Variants in DLG2 observed in about 807,000 individuals in gnomAD.
DLG2 encodes the protein discs large MAGUK scaffold protein 2.
Under a neutral mutation model 132.5 loss-of-function variants are expected in DLG2, and 45 were observed. That is an observed-to-expected ratio of 0.34 (90% CI 0.27 to 0.44). The LOEUF is 0.44. Among genes scored for constraint, DLG2 ranks in the 20% least tolerant of loss-of-function variants. The probability of loss-of-function intolerance (pLI) is 1.00; values close to 1 mark genes in which losing one functional copy is unlikely to be tolerated. For missense variants in DLG2, 1,045 were observed against 1,196.9 expected, an observed-to-expected ratio of 0.87 and a Z score of 1.87; for synonymous variants, 424 against 419.6, an observed-to-expected ratio of 1.01 and a Z score of -0.13.
chr11:84,935,925 T>G (rs1237210187), intron 6 of DLG2, among the ~76,000 whole-genome samples: 1 of 152,204 alleles, frequency 6.6e-6, no homozygotes, highest in Non-Finnish European at 1.5e-5. Flanking sequence ...TACCTCCTAT[T>G]TACGCTTATA....
chr11:85,549,852 G>A (rs1274244459), intron 3 of DLG2, among the ~76,000 whole-genome samples: 1 of 152,212 alleles, frequency 6.6e-6, no homozygotes, highest in Non-Finnish European at 1.5e-5. Flanking sequence ...GTTTACAAAT[G>A]CCATGGCAAC....
At chr11:83,571,671 A>G (rs1357732488) in intron 19 of DLG2, among the ~76,000 whole-genome samples, 1 of 151,994 alleles carries the variant, frequency 6.6e-6, no homozygotes, top group Non-Finnish European at 1.5e-5. Context: ...AGTTTGTTAT[A>G]TATAGTGAGA....
chr11:85,090,618 C>A (rs756421616), intron 6 of DLG2, among the ~76,000 whole-genome samples: 3 of 152,164 alleles, frequency 2.0e-5, no homozygotes, highest in Non-Finnish European at 2.9e-5. Context: ...CTCTTAACTT[C>A]TCCTCAACAA....
At chr11:85,611,885 A>G (rs1299654874) in intron 2 of DLG2, among the ~76,000 whole-genome samples, 1 of 152,158 alleles carries the variant, frequency 6.6e-6, no homozygotes, top group Non-Finnish European at 1.5e-5. Flanking sequence ...GGAGAACAGC[A>G]GCATAAGCAG....
At chr11:83,678,869 G>C (rs551456883) in intron 18 of DLG2, among the ~76,000 whole-genome samples, 1 of 152,094 alleles carries the variant, frequency 6.6e-6, no homozygotes, top group East Asian at 1.9e-4. Context: ...TTTATACTTC[G>C]GTAAAAATAG....
chr11:84,965,987 A>G (rs1253165753), intron 6 of DLG2, among the ~76,000 whole-genome samples: 2 of 152,066 alleles, frequency 1.3e-5, no homozygotes, highest in South Asian at 2.1e-4. Context: ...CTGGGATAAT[A>G]TATCTTCTTC....
intron 3 of DLG2, among the ~76,000 whole-genome samples, chr11:85,357,267 T>C (rs1418603114): frequency 5.3e-5 from 8 of 149,748 alleles, no homozygotes; most frequent in African/African-American, 2.0e-4. Flanking sequence ...TGTGTGTGTG[T>C]GTGTGTGTGT....
intron 3 of DLG2, among the ~76,000 whole-genome samples, chr11:85,454,361 C>A (rs1386368175): frequency 2.0e-5 from 3 of 151,860 alleles, no homozygotes; most frequent in Admixed American, 2.0e-4. Context: ...GTCCTTTGCC[C>A]ACTTTTTAAT....
rs142936823 is a variant in DLG2, at chr11:84,072,797, T to C, written c.750-13313A>G. 1.1e-3 allele frequency among the ~76,000 whole-genome samples: 170 copies of C among 152,280 alleles called. 3 individuals carry two copies. In the East Asian group the frequency reaches 0.03, roughly 27 times the overall value. On this transcript the variant is annotated intron_variant, in intron 10 of 27. Coordinates refer to ENST00000376104, the MANE Select transcript of DLG2 (RefSeq NM_001142699.3). ...TGTGGACTTGATTAGATTTGGTAGG[T>C]GGAGTTAAGGTAGAAGAAAGCAAGA...
chr11:84,174,649 C>T (rs755052264), intron 8 of DLG2, among the ~76,000 whole-genome samples: 15 of 151,922 alleles, frequency 9.9e-5, no homozygotes, highest in Non-Finnish European at 2.9e-5. Flanking sequence ...TAGTGGTAAA[C>T]AAAAAAAGGC....
intron 19 of DLG2, among the ~76,000 whole-genome samples, chr11:83,587,972 A>C (rs1485493409): frequency 1.3e-5 from 2 of 152,170 alleles, no homozygotes; most frequent in Non-Finnish European, 2.9e-5. Context: ...TATATCCCGC[A>C]CCTGGCTCAG....
chr11:85,556,752 C>G (rs991829949), intron 3 of DLG2, among the ~76,000 whole-genome samples: 2 of 151,758 alleles, frequency 1.3e-5, no homozygotes, highest in African/African-American at 2.4e-5. Context: ...ACAGTAACAG[C>G]AAAATGCCTC....
intron 5 of DLG2, among the ~76,000 whole-genome samples, chr11:85,119,446 T>C (rs1253806099): frequency 3.9e-5 from 6 of 152,044 alleles, no homozygotes; most frequent in African/African-American, 7.2e-5. Flanking sequence ...TTTAAAAGCA[T>C]AGTTTTGTGA....
At chr11:85,106,661 G>T (rs2071803448) in intron 6 of DLG2, among the ~76,000 whole-genome samples, 1 of 151,856 alleles carries the variant, frequency 6.6e-6, no homozygotes. Flanking sequence ...CACTTATTAT[G>T]CATTATTTCA....
At chr11:83,694,730 A>C (rs927616176) in intron 18 of DLG2, among the ~76,000 whole-genome samples, 3 of 135,280 alleles carry the variant, frequency 2.2e-5, no homozygotes, top group African/African-American at 1.0e-4. Context: ...TCGCGTCATA[A>C]ATAAATAAAA....
At chr11:84,157,489 G>T (rs994644535) in intron 9 of DLG2, among the ~76,000 whole-genome samples, 1 of 152,088 alleles carries the variant, frequency 6.6e-6, no homozygotes, top group African/African-American at 2.4e-5. Context: ...GGAATGCAGT[G>T]GCACAATCAT....
chr11:83,801,235 A>G (rs1346369203), intron 17 of DLG2, among the ~76,000 whole-genome samples: 1 of 151,712 alleles, frequency 6.6e-6, no homozygotes, highest in Non-Finnish European at 1.5e-5. Flanking sequence ...AGGCCAAGCT[A>G]TCATTTTCCC....
At chr11:84,498,655 T>TA (rs1191118567) in intron 7 of DLG2, among the ~76,000 whole-genome samples, 1 of 152,132 alleles carries the variant, frequency 6.6e-6, no homozygotes, top group Non-Finnish European at 1.5e-5. Flanking sequence ...AACCCTACTT[T>TA]AAAAAAATGA....
At chr11:84,019,653 CTG>C (rs1403332782) in intron 11 of DLG2, among the ~76,000 whole-genome samples, 2 of 152,114 alleles carry the variant, frequency 1.3e-5, no homozygotes, top group Non-Finnish European at 2.9e-5. Flanking sequence ...TCCAATGAAA[CTG>C]TGTTTGTTTT....
Sources: gnomAD v4.1 joint callset for allele counts (sites outside exome capture counted in the v4.1 genomes callset) on GRCh38, gnomAD v4.1.1 for gene constraint, MANE v1.5 for transcripts, NCBI Gene and HGNC (gene_info 2026-07-23, HGNC 2026-07-21) for gene names.